Variants in NOB1 observed in about 807,000 individuals in gnomAD.
The protein encoded by NOB1 is NIN1 (RPN12) binding protein 1 homolog, also known as RNA-binding protein NOB1.
In NOB1, 44 loss-of-function variants were observed where a neutral mutation model predicts 44.8. The observed-to-expected ratio is 0.98, with a 90% CI of 0.77 to 1.26. The LOEUF (loss-of-function observed/expected upper bound fraction) is 1.26. Ranked by LOEUF, NOB1 falls within the 50% of genes most tolerant of loss-of-function variation. The pLI, the probability that NOB1 is intolerant of heterozygous loss-of-function variation, is 0.00. For missense variants in NOB1, 560 were observed against 544.8 expected (o/e 1.03, Z -0.28); for synonymous variants, 238 against 218.7 (o/e 1.09, Z -0.78).
chr16:69,749,619 G>C lies in NOB1; in HGVS notation c.339C>G (p.Ser113Arg). 6.2e-7 allele frequency: 1 copy of C among 1,612,114 alleles called. No homozygotes were observed. The highest frequency in any genetic ancestry group is 8.5e-7 in the Non-Finnish European group (1 of 1,179,160). The change falls in exon 4 of 9, where the codon AGC becomes AGG. Residue 113 changes from serine (S) to arginine (R), a missense_variant. Ser to Arg is a moderately radical substitution (Grantham distance 110). Transcript: ENST00000268802. ...GTGTTTCTGGGTGCTGAATCGATGA[G>C]CTCACCTTAACCTTTAAAAAAACAA... is the stretch of plus-strand genomic sequence containing the variant. Reference protein sequence around the residue: ...LKQEPQKVKVSSSIQHPETPL... With the variant: ...LKQEPQKVKVRSSIQHPETPL...
At chr16:69,749,978 CA>C (rs35957277) in intron 3 of NOB1, among the ~76,000 whole-genome samples, 47,557 of 124,404 alleles carry the variant, frequency 0.38, 10,592 homozygotes, top group African/African-American at 0.66. Flanking sequence ...GACTCTGTCT[CA>C]AAAAAAAAAA....
In NOB1 at chr16:69,744,953, A is replaced by T. The variant is rs201329814; in HGVS notation, c.889T>A (p.Ser297Thr). Residue 297 changes from serine (S) to threonine (T), a missense_variant, in exon 8 of 9, where the codon TCC (serine) becomes ACC (threonine). Transcript: ENST00000268802. ...HCGNKTLKKV[S>T]VTVSDDGTLH... is the part of the protein sequence containing the mutation. ...GTGCCGTCGTCGCTGACGGTCACGG[A>T]CACTTTCTTCAGGGTCTTGTTCCCA... 61 of 1,614,016 alleles carry T rather than the reference A, an allele frequency of 3.8e-5. No individual in the cohort carries two copies. Among genetic ancestry groups the T allele is most frequent in the Non-Finnish European group, 5.1e-5 (60 of 1,180,036 alleles).
rs1375715542 is a variant in NOB1, at chr16:69,744,753, A to AC, written c.969+119dup. On this transcript the variant is annotated intron_variant, in intron 8 of 8. Transcript: ENST00000268802. ...CACACTCTCCCCACTCCGTCTTGGTACCTAGGTCACAGGCTTTCAATCGCC... is the reference window on the plus strand; with the variant it reads ...CACACTCTCCCCACTCCGTCTTGGTACCCTAGGTCACAGGCTTTCAATCGCC... The AC allele has an allele frequency of 5.4e-6, 6 of 1,119,618 alleles. No homozygotes were observed. In the African/African-American group the frequency reaches 6.2e-5, roughly 12 times the overall value. The allele number at this position is 1,119,618 out of a possible 1,614,324, so 69.4% of individuals were successfully genotyped here.
rs970210881 is a variant in NOB1 at position 69,742,212 on chromosome 16, C to T, written c.*120G>A. The stretch of plus-strand genomic sequence containing the variant: ...GGGGCATGGGCGGACAGAGCCGCAC[C>T]GTGAAGCCCGCCTGTTATTTCCATC... On this transcript the variant is annotated 3_prime_UTR_variant, in exon 9 of 9. Coordinates refer to ENST00000268802, the MANE Select transcript of NOB1 (RefSeq NM_014062.3). 3.7e-5 allele frequency: 49 copies of T among 1,328,922 alleles called. No homozygotes were observed. The highest frequency in any genetic ancestry group is 2.5e-4 in the Middle Eastern group (1 of 4,024). The allele number at this position is 1,328,922 out of a possible 1,614,324, so 82.3% of individuals were successfully genotyped here. A position where few individuals can be genotyped will look rare whatever the true frequency, so the allele number is the denominator to read the frequency against.
At chr16:69,745,604 G>C (rs979175182) in intron 7 of NOB1, among the ~76,000 whole-genome samples, 17 of 152,338 alleles carry the variant, frequency 1.1e-4, no homozygotes, top group African/African-American at 4.1e-4. Flanking sequence ...GCTGAACTAA[G>C]CCCGGGCACT....
At chr16:69,752,990 G>A (rs190711212) in intron 2 of NOB1, among the ~76,000 whole-genome samples, 12 of 152,256 alleles carry the variant, frequency 7.9e-5, no homozygotes, top group Admixed American at 5.2e-4. Flanking sequence ...AGGAGGCTGA[G>A]GTGGGTAGAT....
chr16:69,748,762 C>T (rs770388883), intron 6 of NOB1, 156 bp downstream of exon 6: 33 of 639,358 alleles, frequency 5.2e-5, no homozygotes, highest in Non-Finnish European at 8.2e-5. Context: ...ATTGTCTAGC[C>T]TCTAAGCAAA....
chr16:69,749,493 T>C (rs2038464154), intron 4 of NOB1, 66 bp downstream of exon 4: 3 of 1,550,202 alleles, frequency 1.9e-6, no homozygotes, highest in Non-Finnish European at 1.8e-6. Flanking sequence ...TGTGAAGAGA[T>C]GACTTAGAGA....
intron 7 of NOB1, among the ~76,000 whole-genome samples, chr16:69,745,981 G>A (rs548364922): frequency 6.6e-6 from 1 of 152,348 alleles, no homozygotes; most frequent in African/African-American, 2.4e-5. Flanking sequence ...AAGGACGTTG[G>A]AGAAAATGGA....
At chr16:69,743,511 G>A (rs1467451843) in intron 8 of NOB1, among the ~76,000 whole-genome samples, 1 of 152,132 alleles carries the variant, frequency 6.6e-6, no homozygotes, top group Admixed American at 6.6e-5. Context: ...CCACTGAAAC[G>A]AAGTCCTGAG....
chr16:69,750,873 C>T (rs1487750923), intron 3 of NOB1, among the ~76,000 whole-genome samples: 1 of 152,174 alleles, frequency 6.6e-6, no homozygotes, highest in African/African-American at 2.4e-5. Context: ...TTTGTCAACA[C>T]TATTGAAAAT....
At chr16:69,747,484 A>G (rs1207605934) in intron 7 of NOB1, among the ~76,000 whole-genome samples, 1 of 152,132 alleles carries the variant, frequency 6.6e-6, no homozygotes, top group African/African-American at 2.4e-5. Context: ...GTAAACAGAA[A>G]ATCTCTCAAG....
In NOB1 at chr16:69,748,944, A is replaced by C; in HGVS notation, c.700T>G (p.Cys234Gly). 1.2e-6 allele frequency: 2 copies of C among 1,611,358 alleles called. No individual in the cohort carries two copies. Among genetic ancestry groups the C allele is most frequent in the Non-Finnish European group, 1.7e-6 (2 of 1,178,314 alleles). The change falls in exon 6 of 9, where the codon TGC becomes GGC. Residue 234 changes from cysteine (C) to glycine (G), a missense_variant. Coordinates refer to ENST00000268802, the MANE Select transcript of NOB1 (RefSeq NM_014062.3). The part of the protein sequence containing the change: ...CDVPEDVRVG[C>G]LTTDFAMQNV... ...TGCATGGCGAAGTCTGTGGTCAGGC[A>C]GCCAACCCGCACGTCCTCGGGGACG...
At chr16:69,747,222 C>CA (rs35257586) in intron 7 of NOB1, among the ~76,000 whole-genome samples, 3,721 of 78,520 alleles carry the variant, frequency 0.047, 272 homozygotes, top group African/African-American at 0.16. Flanking sequence ...ACCCTGTCTC[C>CA]AAAAAAAAAA....
Position 69,749,261 on chromosome 16 carries a change from G to C in NOB1, c.477C>G (p.Phe159Leu). 2.5e-6 allele frequency: 4 copies of C among 1,613,292 alleles called. No individual in the cohort carries two copies. The highest frequency in any genetic ancestry group is 2.5e-6 in the Non-Finnish European group (3 of 1,179,828). Reference sequence around the variant, plus strand: ...CGATGTTGGGCAAAGGGTTTCTCCAGAACATGAAGGAACTAAATTCCAGGT... The same window carrying C: ...CGATGTTGGGCAAAGGGTTTCTCCACAACATGAAGGAACTAAATTCCAGGT... ...PENLEFSSFM[F>L]WRNPLPNIDH... is the part of the protein sequence containing the mutation. Residue 159 changes from phenylalanine to leucine, a missense_variant, in exon 5 of 9, where the codon TTC becomes TTG. Coordinates refer to ENST00000268802, the MANE Select transcript of NOB1 (RefSeq NM_014062.3).
intron 2 of NOB1, among the ~76,000 whole-genome samples, chr16:69,752,801 C>CGG (rs111271634): frequency 2.6e-5 from 4 of 151,524 alleles, no homozygotes; most frequent in African/African-American, 9.7e-5. Flanking sequence ...GGTGTGGTAG[C>CGG]GGGGGGGCCT....
chr16:69,746,744 A>G (rs940410760), intron 7 of NOB1, among the ~76,000 whole-genome samples: 4 of 152,076 alleles, frequency 2.6e-5, no homozygotes, highest in African/African-American at 7.2e-5. Context: ...TGTCACTACT[A>G]AAAATACAAA....
chr16:69,744,673 C>T (rs1446463262), intron 8 of NOB1, among the ~76,000 whole-genome samples, 200 bp downstream of exon 8: 1 of 152,188 alleles, frequency 6.6e-6, no homozygotes, highest in Non-Finnish European at 1.5e-5. Context: ...CTACTGTAGC[C>T]TTTCACAACT....
In NOB1 at chr16:69,745,010, A is replaced by G; in HGVS notation, c.832T>C (p.Ser278Pro). 1 of 1,614,144 alleles carries G rather than the reference A, an allele frequency of 6.2e-7. No homozygotes were observed. Reference protein sequence around the residue: ...LRCHGCFKTTSDMSRVFCSHC... With the variant: ...LRCHGCFKTTPDMSRVFCSHC... ...GAGCAGAACACTCGGCTCATGTCAG[A>G]CGTTGTCCTGGGAGACACAAAAGGA... The change falls in exon 8 of 9, where the codon TCT becomes CCT. Residue 278 changes from serine to proline, a missense_variant. By Grantham distance (74) the Ser-to-Pro change is moderately conservative (BLOSUM62 -1). Transcript: ENST00000268802.
Sources: gnomAD v4.1 joint callset for allele counts (sites outside exome capture counted in the v4.1 genomes callset) on GRCh38, gnomAD v4.1.1 for gene constraint, MANE v1.5 for transcripts, NCBI Gene and HGNC (gene_info 2026-07-23, HGNC 2026-07-21) for gene names.